The following ANXA8 variants were observed in gnomAD, a reference collection of about 807,000 sequenced individuals.
ANXA8 encodes the protein annexin A8.
ANXA8 carries 9 observed loss-of-function variants against 26.8 expected under a neutral mutation model. The observed-to-expected ratio is 0.34, with a 90% CI of 0.20 to 0.59. The LOEUF is 0.59. Among genes scored for constraint, ANXA8 ranks in the 20% least tolerant of loss-of-function variants. The pLI is 0.84. For synonymous variants in ANXA8, 39 were observed against 94.8 expected (o/e 0.41, Z 3.42); for missense variants, 83 against 238.5 (o/e 0.35, Z 4.29).
chr10:47,768,432 G>A, the ANXA8 span, among the ~76,000 whole-genome samples: 1 of 151,344 alleles, frequency 6.6e-6, no homozygotes, highest in Non-Finnish European at 1.5e-5. Context: ...ACTCCAAAGA[G>A]TGGTGACAGA....
At chr10:47,736,632 T>C in the ANXA8 span, among the ~76,000 whole-genome samples, 1 of 150,794 alleles carries the variant, frequency 6.6e-6, no homozygotes, top group Admixed American at 6.7e-5. Flanking sequence ...TTGGAATTTT[T>C]TTTGAGGTTT....
the ANXA8 span, among the ~76,000 whole-genome samples, chr10:47,951,902 TA>T: frequency 6.7e-6 from 1 of 148,230 alleles, no homozygotes; most frequent in African/African-American, 2.5e-5. Context: ...ATGTAGAGGG[TA>T]ATACACTATG....
chr10:47,611,653 A>G, the ANXA8 span, among the ~76,000 whole-genome samples: 4 of 76,094 alleles, frequency 5.3e-5, 2 homozygotes, highest in Non-Finnish European at 1.4e-4. Context: ...GTCCTGTTTC[A>G]CTATATAATT....
the ANXA8 span, chr10:47,551,758 A>C: frequency 0.042 from 13,444 of 317,342 alleles, 77 homozygotes; most frequent in African/African-American, 0.068. Context: ...GAAAGGATCG[A>C]GACATCCACA....
the ANXA8 span, among the ~76,000 whole-genome samples, chr10:47,929,970 T>C: frequency 5.3e-5 from 8 of 152,310 alleles, no homozygotes; most frequent in Admixed American, 3.3e-4. Flanking sequence ...AATTTCACAG[T>C]CACAGTCTCC....
At chr10:47,586,399 C>A in the ANXA8 span, among the ~76,000 whole-genome samples, 1 of 145,958 alleles carries the variant, frequency 6.9e-6, no homozygotes, top group East Asian at 1.9e-4. Flanking sequence ...CTTCCTTGTG[C>A]TGGATTCAGA....
At chr10:47,501,043 G>A in the ANXA8 span, among the ~76,000 whole-genome samples, 1 of 144,066 alleles carries the variant, frequency 6.9e-6, no homozygotes, top group Non-Finnish European at 1.5e-5. Context: ...ACAGGTGCCC[G>A]CCACCACACC....
At chr10:47,469,331 G>A (rs1251908928) in intron 11 of ANXA8, among the ~76,000 whole-genome samples, 3 of 151,950 alleles carry the variant, frequency 2.0e-5, no homozygotes, top group Non-Finnish European at 4.4e-5. Context: ...GGGCAGGGCC[G>A]GGGGTGGAGG....
At chr10:47,556,755 T>C in the ANXA8 span, among the ~76,000 whole-genome samples, 9 of 150,680 alleles carry the variant, frequency 6.0e-5, no homozygotes, top group Admixed American at 4.0e-4. Flanking sequence ...ATATGTATTA[T>C]AATTTTAAAT....
At chr10:47,694,579 C>G in the ANXA8 span, among the ~76,000 whole-genome samples, 1 of 151,568 alleles carries the variant, frequency 6.6e-6, no homozygotes, top group African/African-American at 2.4e-5. Flanking sequence ...CGCCACCACG[C>G]CTGACTAATT....
chr10:47,555,562 A>C, the ANXA8 span, among the ~76,000 whole-genome samples: 1 of 151,962 alleles, frequency 6.6e-6, no homozygotes, highest in African/African-American at 2.4e-5. Flanking sequence ...TCATTTGCCA[A>C]CAACTCCCAA....
At chr10:47,488,458 G>A (rs1281905807), upstream of ANXA8, among the ~76,000 whole-genome samples, 4 of 149,148 alleles carry the variant, frequency 2.7e-5, no homozygotes, top group South Asian at 2.1e-4. Context: ...TGGCCCACCC[G>A]CCTTGGCTTC....
At chr10:47,533,488 G>A in the ANXA8 span, among the ~76,000 whole-genome samples, 2 of 148,878 alleles carry the variant, frequency 1.3e-5, no homozygotes, top group South Asian at 2.2e-4. Flanking sequence ...GACAGTGTCT[G>A]ATTAGGGTGG....
the ANXA8 span, among the ~76,000 whole-genome samples, chr10:47,980,493 G>C: frequency 6.6e-6 from 1 of 151,756 alleles, no homozygotes; most frequent in South Asian, 2.1e-4. Context: ...TCACTGAAAA[G>C]AGCAATAAAA....
At chr10:47,966,058 G>T in the ANXA8 span, among the ~76,000 whole-genome samples, 3 of 141,702 alleles carry the variant, frequency 2.1e-5, no homozygotes, top group African/African-American at 7.5e-5. Context: ...AGAGGAAGAG[G>T]CTCCCTGTCC....
chr10:47,975,002 G>T, the ANXA8 span, among the ~76,000 whole-genome samples: 4 of 149,710 alleles, frequency 2.7e-5, 1 homozygote, highest in African/African-American at 9.7e-5. Flanking sequence ...CACATCACTT[G>T]GCATCAGGCC....
At chr10:47,976,127 AAAC>A in the ANXA8 span, among the ~76,000 whole-genome samples, 1 of 147,270 alleles carries the variant, frequency 6.8e-6, no homozygotes, top group African/African-American at 2.5e-5. Flanking sequence ...ACAAAAATAA[AAAC>A]AACTACCCCA....
chr10:47,667,755 T>C, the ANXA8 span, among the ~76,000 whole-genome samples: 2 of 151,794 alleles, frequency 1.3e-5, no homozygotes, highest in Non-Finnish European at 2.9e-5. Flanking sequence ...TTTGTTTTTT[T>C]GAGATAGAGT....
the ANXA8 span, among the ~76,000 whole-genome samples, chr10:47,938,668 TG>T: frequency 8.3e-5 from 12 of 144,360 alleles, no homozygotes; most frequent in Non-Finnish European, 1.3e-4. Flanking sequence ...GTGTCAGGCT[TG>T]GGCCTCCCTA....
Sources: gnomAD v4.1 joint callset for allele counts (sites outside exome capture counted in the v4.1 genomes callset) on GRCh38, gnomAD v4.1.1 for gene constraint, MANE v1.5 for transcripts, NCBI Gene and HGNC (gene_info 2026-07-23, HGNC 2026-07-21) for gene names.